DNM3: variants seen among roughly 807,000 people sequenced by gnomAD.
DNM3 encodes the protein dynamin-3.
In DNM3, 47 loss-of-function variants were observed where a neutral mutation model predicts 101.6. The observed-to-expected ratio is 0.46, with a 90% CI of 0.37 to 0.59. DNM3 has a LOEUF of 0.59. Ranked by LOEUF, DNM3 falls within the 20% of genes least tolerant of loss-of-function variation. The pLI is 0.00. For missense variants in DNM3, 849 were observed against 1,085.7 expected (o/e 0.78, Z 3.06); for synonymous variants, 385 against 387.9 (o/e 0.99, Z 0.09).
At chr1:172,283,759 C>CAAAAAAAAAAAA (rs769812358) in intron 15 of DNM3, among the ~76,000 whole-genome samples, 9 of 40,276 alleles carry the variant, frequency 2.2e-4, no homozygotes, top group African/African-American at 3.5e-4. Flanking sequence ...GACTCCATCT[C>CAAAAAAAAAAAA]AAAAAAAAAA....
chr1:172,309,061 A>G lies in DNM3; in HGVS notation c.1881+222A>G, dbSNP rs2064971027. 7 of 424,132 alleles carry G rather than the reference A, an allele frequency of 1.7e-5. No individual in the cohort carries two copies. In the East Asian group the frequency reaches 2.5e-4, roughly 15 times the overall value. The allele number at this position is 424,132 out of a possible 1,614,324, so 26.3% of individuals were successfully genotyped here. On this transcript the variant is annotated intron_variant, in intron 16 of 20. Transcript: ENST00000627582. ...GTTAAACAATATATTTGTTAAAGAA[A>G]ATGTCCTACTCAGCCATAAAACACA...
chr1:172,182,246 T>C (rs559441519), intron 14 of DNM3, among the ~76,000 whole-genome samples: 122 of 152,082 alleles, frequency 8.0e-4, no homozygotes, highest in South Asian at 2.9e-3. Flanking sequence ...AAAAAACGAT[T>C]TCTCTAAGAT....
intron 14 of DNM3, among the ~76,000 whole-genome samples, chr1:172,167,071 C>T (rs2058773138): frequency 6.6e-6 from 1 of 152,026 alleles, no homozygotes; most frequent in Non-Finnish European, 1.5e-5. Flanking sequence ...CCTCCCCCAT[C>T]TCCCCACCCC....
At chr1:171,927,626 T>C (rs2040682940) in intron 2 of DNM3, among the ~76,000 whole-genome samples, 1 of 152,148 alleles carries the variant, frequency 6.6e-6, no homozygotes. Flanking sequence ...TGCCCACGAA[T>C]GACAGATTAG....
chr1:171,879,927 A>T (rs2036118809), intron 1 of DNM3, among the ~76,000 whole-genome samples: 1 of 152,242 alleles, frequency 6.6e-6, no homozygotes, highest in South Asian at 2.1e-4. Context: ...CTCTGAATTC[A>T]AGTTTTATGG....
chr1:171,899,129 A>G (rs1394577702), intron 1 of DNM3, among the ~76,000 whole-genome samples: 1 of 152,174 alleles, frequency 6.6e-6, no homozygotes, highest in Non-Finnish European at 1.5e-5. Flanking sequence ...TGGCCTTAGT[A>G]ACGTCAGCAG....
chr1:172,084,751 G>C lies in DNM3; in HGVS notation c.1493+2849G>C, dbSNP rs145588581. Among the ~76,000 whole-genome samples the C allele has an allele frequency of 2.6e-3, 391 of 152,186 alleles. 4 individuals are homozygous for C. The highest frequency in any genetic ancestry group is 0.019 in the East Asian group (100 of 5,184). On this transcript the variant is annotated intron_variant, in intron 12 of 20. Transcript: ENST00000627582. Reference sequence around the variant, plus strand: ...CAAAGACAGAAAATTAAGGTCTGGGGTTGAAGAAAACAAGCATTTGTTTCA... The same window carrying C: ...CAAAGACAGAAAATTAAGGTCTGGGCTTGAAGAAAACAAGCATTTGTTTCA...
At position 172,217,644 on chromosome 1, in the gene DNM3, G is replaced by A. The variant is rs116107250; in HGVS notation, c.1660-35929G>A. 3.8e-3 allele frequency among the ~76,000 whole-genome samples: 571 copies of A among 152,012 alleles called. 8 individuals carry two copies. Among genetic ancestry groups the A allele is most frequent in the African/African-American group, 0.013 (544 of 41,454 alleles). On this transcript the variant is annotated intron_variant, in intron 14 of 20. Transcript: ENST00000627582. Reference sequence around the variant, plus strand: ...TCCTAATTTTGTTTCTGAAAATTTAGCCTGTATCTTACAATCTACTATATA... The same window carrying A: ...TCCTAATTTTGTTTCTGAAAATTTAACCTGTATCTTACAATCTACTATATA...
intron 14 of DNM3, among the ~76,000 whole-genome samples, chr1:172,203,477 A>T (rs1245134977): frequency 6.6e-6 from 1 of 152,210 alleles, no homozygotes; most frequent in East Asian, 1.9e-4. Context: ...AGTTGTTTAT[A>T]TGATATCTGA....
At chr1:172,290,485 A>G (rs2063864706) in intron 15 of DNM3, among the ~76,000 whole-genome samples, 1 of 152,174 alleles carries the variant, frequency 6.6e-6, no homozygotes. Context: ...CAGAATGAGG[A>G]TGGGAAGAAT....
intron 15 of DNM3, 26 bp from the exon 16 acceptor site, chr1:172,308,702 A>G: frequency 2.3e-6 from 3 of 1,297,990 alleles, no homozygotes; most frequent in Non-Finnish European, 3.2e-6. Context: ...AACTAAAAGC[A>G]TGATTTTTTT....
rs997857214 is a variant in DNM3, at chr1:172,409,265, C to T, written c.*1424C>T. 2 of 985,250 alleles carry T rather than the reference C, an allele frequency of 2.0e-6. No individual in the cohort carries two copies. Among genetic ancestry groups the T allele is most frequent in the Non-Finnish European group, 2.4e-6 (2 of 829,884 alleles). 61.0% of individuals were successfully genotyped at this position (985,250 alleles called of 1,614,324 possible). ...TATTCTACAGAAGTAAATCAGGTTT[C>T]ACCAACTGAAATGTCTCCCTTTGAA... On this transcript the variant is annotated 3_prime_UTR_variant, in exon 21 of 21. Transcript: ENST00000627582.
chr1:171,878,936 A>T (rs2125116866), intron 1 of DNM3, among the ~76,000 whole-genome samples: 1 of 152,294 alleles, frequency 6.6e-6, no homozygotes, highest in South Asian at 2.1e-4. Flanking sequence ...ATTGTGGGAA[A>T]TTATTACATT....
intron 15 of DNM3, among the ~76,000 whole-genome samples, chr1:172,285,970 T>A (rs1457188803): frequency 6.6e-6 from 1 of 152,118 alleles, no homozygotes; most frequent in African/African-American, 2.4e-5. Flanking sequence ...TTTTTTGGCT[T>A]CTTGACCTAC....
intron 2 of DNM3, among the ~76,000 whole-genome samples, chr1:171,942,514 T>C (rs2041887214): frequency 6.6e-6 from 1 of 152,208 alleles, no homozygotes; most frequent in Admixed American, 6.5e-5. Flanking sequence ...AGATGTTAAT[T>C]GAAAATTTCA....
At chr1:172,093,821 C>A in intron 13 of DNM3, 1 of 1,243,092 alleles carries the variant, frequency 8.0e-7, no homozygotes, top group Non-Finnish European at 1.1e-6. Flanking sequence ...CTAGCGCTTG[C>A]TACTAATTTT....
chr1:172,256,018 C>T (rs1190135645), intron 15 of DNM3, among the ~76,000 whole-genome samples: 1 of 152,072 alleles, frequency 6.6e-6, no homozygotes, highest in Non-Finnish European at 1.5e-5. Flanking sequence ...GTGAAATATA[C>T]TAATAGACCT....
At chr1:172,117,549 C>A (rs1253793933) in intron 13 of DNM3, among the ~76,000 whole-genome samples, 1 of 152,108 alleles carries the variant, frequency 6.6e-6, no homozygotes, top group African/African-American at 2.4e-5. Flanking sequence ...GTAAGAAGTG[C>A]CTTTCATCTC....
At chr1:172,178,783 A>C (rs988203011) in intron 14 of DNM3, among the ~76,000 whole-genome samples, 2 of 152,000 alleles carry the variant, frequency 1.3e-5, no homozygotes, top group Non-Finnish European at 2.9e-5. Flanking sequence ...GTTGATCATC[A>C]GTGATCTTTA....
Sources: allele counts gnomAD v4.1 joint callset (sites outside exome capture counted in the v4.1 genomes callset), GRCh38; gene constraint gnomAD v4.1.1; transcripts MANE v1.5; gene names NCBI Gene and HGNC (gene_info 2026-07-23, HGNC 2026-07-21).